SLC36A1: variants seen among roughly 807,000 people sequenced by gnomAD.
SLC36A1 encodes the protein proton-coupled amino acid transporter 1.
In SLC36A1, 30 loss-of-function variants were observed where a neutral mutation model predicts 47.5. The observed-to-expected ratio is 0.63, with a 90% CI of 0.47 to 0.86. The LOEUF (loss-of-function observed/expected upper bound fraction) is 0.86, where lower values mean the gene tolerates loss of function less well. Ranked by LOEUF, SLC36A1 falls within the 40% of genes least tolerant of loss-of-function variation. SLC36A1 has a pLI of 0.00. For synonymous variants in SLC36A1, 255 were observed against 249.7 expected, an observed-to-expected ratio of 1.02 and a Z score of -0.20; for missense variants, 517 against 606.0, an observed-to-expected ratio of 0.85 and a Z score of 1.54.
upstream of SLC36A1, among the ~76,000 whole-genome samples, chr5:151,434,444 AT>A (rs1425909419): frequency 6.6e-6 from 1 of 152,232 alleles, no homozygotes; most frequent in Non-Finnish European, 1.5e-5. Context: ...GTTGAAATGG[AT>A]GGGCTTGATA....
the SLC36A1 span, among the ~76,000 whole-genome samples, chr5:151,552,801 G>C: frequency 1.3e-5 from 2 of 152,180 alleles, no homozygotes; most frequent in Non-Finnish European, 2.9e-5. Flanking sequence ...ATGGCCCCAG[G>C]GTATAGCTTA....
upstream of SLC36A1, among the ~76,000 whole-genome samples, chr5:151,435,514 G>T (rs910476957): frequency 3.3e-5 from 5 of 152,154 alleles, no homozygotes; most frequent in East Asian, 1.9e-4. Context: ...ATAAGGAAAA[G>T]AAACTTAAAA....
chr5:151,456,318 A>G (rs989591139), intron 1 of SLC36A1, among the ~76,000 whole-genome samples: 6 of 152,290 alleles, frequency 3.9e-5, no homozygotes, highest in Non-Finnish European at 7.4e-5. Flanking sequence ...TGCTGTTTGC[A>G]TAAATAATTA....
upstream of SLC36A1, among the ~76,000 whole-genome samples, chr5:151,434,910 C>A (rs185852208): frequency 1.6e-4 from 24 of 152,226 alleles, no homozygotes; most frequent in Middle Eastern, 6.8e-3. Flanking sequence ...AGTCACCCAG[C>A]CTATGGTAAT....
the SLC36A1 span, among the ~76,000 whole-genome samples, chr5:151,362,587 C>T: frequency 6.6e-6 from 1 of 151,942 alleles, no homozygotes; most frequent in Non-Finnish European, 1.5e-5. Context: ...GATGAGGTTT[C>T]ACCATGTTGG....
chr5:151,489,721 C>G lies in SLC36A1; in HGVS notation c.*1467C>G, dbSNP rs1295930490. 3.9e-5 allele frequency: 6 copies of G among 152,212 alleles called. No individual in the cohort carries two copies. The highest frequency in any genetic ancestry group is 1.3e-4 in the Admixed American group (2 of 15,272). 9.4% of individuals were successfully genotyped at this position (152,212 alleles called of 1,614,324 possible). A position where few individuals can be genotyped will look rare whatever the true frequency, so the allele number is the denominator to read the frequency against. On this transcript the variant is annotated 3_prime_UTR_variant, in exon 11 of 11. Transcript: ENST00000243389. This position sits in a 1 kb window ranked among gnomAD's most constrained non-coding sequence, Gnocchi z 4.5. ...CCTTGCTGTGGGCTGCCTCTTCTTT[C>G]CTCTTGGTGTGCGAAGTATTTCAGA...
chr5:151,395,227 G>A, the SLC36A1 span, among the ~76,000 whole-genome samples: 1 of 152,210 alleles, frequency 6.6e-6, no homozygotes, highest in Non-Finnish European at 1.5e-5. Flanking sequence ...ATAATCTCCT[G>A]GTATGCTGTT....
chr5:151,417,025 G>C, the SLC36A1 span, among the ~76,000 whole-genome samples: 1 of 152,150 alleles, frequency 6.6e-6, no homozygotes, highest in Admixed American at 6.5e-5. Flanking sequence ...CCATGATTGT[G>C]TGCTTCCTGA....
the SLC36A1 span, among the ~76,000 whole-genome samples, chr5:151,416,947 C>T: frequency 6.6e-6 from 1 of 152,290 alleles, no homozygotes; most frequent in Admixed American, 6.5e-5. Context: ...GCTCTTCCCC[C>T]CTTCGCTTAG....
chr5:151,354,979 TAAG>T, the SLC36A1 span, among the ~76,000 whole-genome samples: 1 of 152,030 alleles, frequency 6.6e-6, no homozygotes, highest in Non-Finnish European at 1.5e-5. Context: ...ACTTGAACAT[TAAG>T]AGCTATAATG....
Position 151,492,119 on chromosome 5 carries a change from T to A in SLC36A1, c.*3865T>A, listed in dbSNP as rs1424310435. ...ATCAAAGTGATTCTGGGGGAAGCTA[T>A]GCTCTTTCAGTGGATAATAAAATTG... On this transcript the variant is annotated 3_prime_UTR_variant, in exon 11 of 11. Transcript: ENST00000243389. 6.6e-6 allele frequency: 1 copy of A among 152,214 alleles called. No homozygotes were observed. The highest frequency in any genetic ancestry group is 1.9e-4 in the East Asian group (1 of 5,202). 9.4% of individuals were successfully genotyped at this position (152,214 alleles called of 1,614,324 possible).
At chr5:151,506,055 C>T in the SLC36A1 span, 1 of 1,554,472 alleles carries the variant, frequency 6.4e-7, no homozygotes, top group Non-Finnish European at 8.6e-7. Context: ...GCGTTCGTTC[C>T]TGGAGTAAGT....
the SLC36A1 span, among the ~76,000 whole-genome samples, chr5:151,533,587 A>T: frequency 6.6e-6 from 1 of 152,164 alleles, no homozygotes; most frequent in Non-Finnish European, 1.5e-5. Flanking sequence ...TGTCAAACAG[A>T]GCAGGGTGTT....
At chr5:151,408,131 T>G in the SLC36A1 span, among the ~76,000 whole-genome samples, 3 of 152,208 alleles carry the variant, frequency 2.0e-5, no homozygotes, top group African/African-American at 7.2e-5. Context: ...AAACAGCATA[T>G]CTTGAGTCAT....
At chr5:151,397,421 CTA>C in the SLC36A1 span, among the ~76,000 whole-genome samples, 1 of 152,228 alleles carries the variant, frequency 6.6e-6, no homozygotes. Flanking sequence ...GCTAGCCACT[CTA>C]TAGTGATATT....
chr5:151,473,542 T>C lies in SLC36A1; in HGVS notation c.724-131T>C, dbSNP rs116042113. ...AAATGTCCCTAAATCATCTGTCAGG[T>C]ATTAGACTTTCTTCCTTTAGAGAAT... On this transcript the variant is annotated intron_variant, in intron 7 of 10. Transcript: ENST00000243389. 2.8e-4 allele frequency: 184 copies of C among 650,200 alleles called. No homozygotes were observed. In the African/African-American group the frequency reaches 2.9e-3, roughly 10 times the overall value. 40.3% of individuals were successfully genotyped at this position (650,200 alleles called of 1,614,324 possible). A position where few individuals can be genotyped will look rare whatever the true frequency, so the allele number is the denominator to read the frequency against.
the SLC36A1 span, among the ~76,000 whole-genome samples, chr5:151,426,021 C>T: frequency 7.9e-6 from 1 of 126,306 alleles, no homozygotes; most frequent in African/African-American, 3.0e-5. Flanking sequence ...TGTCCATACA[C>T]ACATACTTTT....
the SLC36A1 span, among the ~76,000 whole-genome samples, chr5:151,525,287 A>ACAC: frequency 6.6e-6 from 1 of 152,182 alleles, no homozygotes; most frequent in East Asian, 1.9e-4. Flanking sequence ...GAAACCCATA[A>ACAC]CACCACCACC....
chr5:151,384,695 C>A, the SLC36A1 span, among the ~76,000 whole-genome samples: 1 of 152,200 alleles, frequency 6.6e-6, no homozygotes, highest in Non-Finnish European at 1.5e-5. Context: ...TAAATACCTT[C>A]GGAGATCGGG....
Sources: allele counts gnomAD v4.1 joint callset (sites outside exome capture counted in the v4.1 genomes callset), GRCh38; gene constraint gnomAD v4.1.1; non-coding constraint Gnocchi (gnomAD v3.1); transcripts MANE v1.5; gene names NCBI Gene and HGNC (gene_info 2026-07-23, HGNC 2026-07-21).